The following SHISAL1 variants were observed in gnomAD, a reference collection of about 807,000 sequenced individuals.
SHISAL1 encodes the protein shisa like 1.
In SHISAL1, 9 loss-of-function variants were observed where a neutral mutation model predicts 22.6. The ratio of observed to expected loss-of-function variants is 0.40; its 90% CI spans 0.24 to 0.70. The LOEUF (loss-of-function observed/expected upper bound fraction) is 0.70, where lower values mean the gene tolerates loss of function less well. Among genes scored for constraint, SHISAL1 ranks in the 30% least tolerant of loss-of-function variants. The probability of loss-of-function intolerance (pLI) is 0.39; values close to 1 mark genes in which losing one functional copy is unlikely to be tolerated. For synonymous variants in SHISAL1, 119 were observed against 115.4 expected (o/e 1.03, Z -0.20); for missense variants, 246 against 270.6 (o/e 0.91, Z 0.64).
At chr22:44,286,963 TCCGG>T (rs1483977592) in intron 3 of SHISAL1, among the ~76,000 whole-genome samples, 1 of 149,002 alleles carries the variant, frequency 6.7e-6, no homozygotes, top group Non-Finnish European at 1.5e-5. Context: ...GGAGCCAGTG[TCCGG>T]CCTGTACACG....
chr22:44,291,107 G>A (rs1365983370), intron 3 of SHISAL1, among the ~76,000 whole-genome samples: 1 of 152,196 alleles, frequency 6.6e-6, no homozygotes, highest in Non-Finnish European at 1.5e-5. Context: ...AAAATGCTGT[G>A]GCCACTTCTG....
chr22:44,318,360 A>G, the SHISAL1 span, among the ~76,000 whole-genome samples: 1 of 152,274 alleles, frequency 6.6e-6, no homozygotes, highest in Non-Finnish European at 1.5e-5. Context: ...GAGAGGTAAC[A>G]TCAAAAAGTA....
chr22:44,246,054 T>C lies in SHISAL1; in HGVS notation c.*3631A>G, dbSNP rs1399896388. 1 of 152,284 alleles carries C rather than the reference T, an allele frequency of 6.6e-6. No homozygotes were observed. The highest frequency in any genetic ancestry group is 1.5e-5 in the Non-Finnish European group (1 of 68,098). The allele number at this position is 152,284 out of a possible 1,614,324, so 9.4% of individuals were successfully genotyped here. ...GCCTGTTGCACATCAGCAATGGTCA[T>C]GGTCAGGTGGCTGGCCTGGCCGCTG... On this transcript the variant is annotated 3_prime_UTR_variant, in exon 5 of 5. Transcript: ENST00000381176.
chr22:44,291,772 T>C (rs1056743355), intron 3 of SHISAL1, among the ~76,000 whole-genome samples: 3 of 149,542 alleles, frequency 2.0e-5, no homozygotes, highest in Admixed American at 1.3e-4. Flanking sequence ...AGACTTTCCC[T>C]GTCCCCAGAG....
At position 44,295,767 on chromosome 22, in the gene SHISAL1, C is replaced by T. The variant is rs549038050; in HGVS notation, c.281+905G>A. On this transcript the variant is annotated intron_variant, in intron 3 of 4. Coordinates refer to ENST00000381176, the MANE Select transcript of SHISAL1 (RefSeq NM_001099294.2). ...CAGCTAGCTCACGGTAAAAGAAATA[C>T]AAATGTCTCTCAGGCATGTGAAAAG... Among the ~76,000 whole-genome samples the T allele has an allele frequency of 3.3e-5, 5 of 152,232 alleles. No homozygotes were observed. In the East Asian group the frequency reaches 9.7e-4, roughly 29 times the overall value.
chr22:44,269,750 CA>C (rs1269437765), intron 4 of SHISAL1, among the ~76,000 whole-genome samples: 57 of 152,152 alleles, frequency 3.7e-4, no homozygotes, highest in African/African-American at 1.2e-3. Flanking sequence ...ACAATGCACA[CA>C]CCATGCCACA....
intron 2 of SHISAL1, among the ~76,000 whole-genome samples, chr22:44,299,911 GACAGAA>G (rs1158098856): frequency 6.7e-6 from 1 of 150,212 alleles, no homozygotes; most frequent in Non-Finnish European, 1.5e-5. Flanking sequence ...CAGAGACAGA[GACAGAA>G]ACAGAGACAG....
rs2054975444 is a variant in SHISAL1 at position 44,243,820 on chromosome 22, T to G, written c.*5865A>C. 1 of 152,230 alleles carries G rather than the reference T, an allele frequency of 6.6e-6. No homozygotes were observed. Among genetic ancestry groups the G allele is most frequent in the African/African-American group, 2.4e-5 (1 of 41,460 alleles). 9.4% of individuals were successfully genotyped at this position (152,230 alleles called of 1,614,324 possible). ...TTATTATTAGGAATATTATTGGTTT[T>G]GGTTTTCCCGGTTATCAGCTCTCAG... On this transcript the variant is annotated 3_prime_UTR_variant, in exon 5 of 5. Transcript: ENST00000381176.
the SHISAL1 span, among the ~76,000 whole-genome samples, chr22:44,327,982 G>A: frequency 1.3e-5 from 2 of 152,180 alleles, no homozygotes; most frequent in Admixed American, 6.5e-5. Context: ...TGGGGAAGGG[G>A]CTCTCAGTTC....
At chr22:44,261,379 C>G in intron 4 of SHISAL1, among the ~76,000 whole-genome samples, 1 of 151,672 alleles carries the variant, frequency 6.6e-6, no homozygotes, top group East Asian at 2.0e-4. Context: ...ACTCACTGGG[C>G]GCCCCTTCTG....
Position 44,275,378 on chromosome 22 carries a change from G to A in SHISAL1, c.599+10050C>T, listed in dbSNP as rs576405573. Among the ~76,000 whole-genome samples, 6 of 152,350 alleles carry A rather than the reference G, an allele frequency of 3.9e-5. No homozygotes were observed. In the East Asian group the frequency reaches 7.7e-4, roughly 20 times the overall value. On this transcript the variant is annotated intron_variant, in intron 4 of 4. Coordinates refer to ENST00000381176, the MANE Select transcript of SHISAL1 (RefSeq NM_001099294.2). ...ATTAAACCCCTGCCTGGCAGCCCGC[G>A]AAGGGGCCGACGGCGGATCAGAAGC...
intron 4 of SHISAL1, among the ~76,000 whole-genome samples, chr22:44,263,079 CTTTTTTTTTT>C (rs922017518): frequency 5.7e-5 from 5 of 88,252 alleles, no homozygotes; most frequent in South Asian, 1.0e-3. Context: ...TTCTTTCTTT[CTTTTTTTTTT>C]TTTTTTTTTT....
the SHISAL1 span, among the ~76,000 whole-genome samples, chr22:44,318,105 C>T: frequency 5.1e-4 from 78 of 152,342 alleles, no homozygotes; most frequent in African/African-American, 1.6e-3. Flanking sequence ...AGGAGCCCAC[C>T]GTGGGGGCGG....
rs1225080724 is a variant in SHISAL1, at chr22:44,310,062, G to A, written c.-33+2689C>T. The stretch of plus-strand genomic sequence containing the variant: ...CAGCCCGTTCGCCTGCAGCTGGGGT[G>A]CCGGGCTCCACGGCTGACAGTGAGT... On this transcript the variant is annotated intron_variant, in intron 1 of 4. Coordinates refer to ENST00000381176, the MANE Select transcript of SHISAL1 (RefSeq NM_001099294.2). The surrounding 1 kb of genome is among the most constrained non-coding windows in gnomAD (Gnocchi z 4.0). Among the ~76,000 whole-genome samples, 1 of 152,178 alleles carries A rather than the reference G, an allele frequency of 6.6e-6. No individual in the cohort carries two copies. The highest frequency in any genetic ancestry group is 1.5e-5 in the Non-Finnish European group (1 of 68,032).
chr22:44,296,972 G>T, intron 2 of SHISAL1, 87 bp from the exon 3 acceptor site: 1 of 1,004,160 alleles, frequency 1.0e-6, no homozygotes, highest in South Asian at 1.4e-5. Context: ...CCTCTTCTCA[G>T]GTCCTGCCTG....
the SHISAL1 span, among the ~76,000 whole-genome samples, chr22:44,325,101 G>A: frequency 6.6e-6 from 1 of 152,222 alleles, no homozygotes; most frequent in Non-Finnish European, 1.5e-5. Flanking sequence ...AAATTAGCTG[G>A]GCATGGTGGT....
chr22:44,270,821 A>G (rs1458182443), intron 4 of SHISAL1, among the ~76,000 whole-genome samples: 1 of 152,160 alleles, frequency 6.6e-6, no homozygotes, highest in Non-Finnish European at 1.5e-5. Context: ...CAAGTCTCAG[A>G]CAGCTCAAGC....
chr22:44,301,266 G>A (rs1007246674), intron 1 of SHISAL1, among the ~76,000 whole-genome samples: 4 of 152,252 alleles, frequency 2.6e-5, no homozygotes, highest in Non-Finnish European at 4.4e-5. Flanking sequence ...GGCAGAGGCT[G>A]GTGGCCAGGC....
At chr22:44,276,277 G>T (rs931884674) in intron 4 of SHISAL1, among the ~76,000 whole-genome samples, 4 of 152,290 alleles carry the variant, frequency 2.6e-5, no homozygotes, top group African/African-American at 9.6e-5. Context: ...AGGTCTGGGT[G>T]GAGGGAACAG....
Sources: allele counts gnomAD v4.1 joint callset (sites outside exome capture counted in the v4.1 genomes callset), GRCh38; gene constraint gnomAD v4.1.1; non-coding constraint Gnocchi (gnomAD v3.1); transcripts MANE v1.5; gene names NCBI Gene and HGNC (gene_info 2026-07-23, HGNC 2026-07-21).